Variants in DHRS12 observed in about 807,000 individuals in gnomAD.
The protein encoded by DHRS12 is dehydrogenase/reductase 12.
A neutral mutation model predicts 32.1 loss-of-function variants in DHRS12; 29 were observed. That is an observed-to-expected ratio of 0.90 (90% CI 0.67 to 1.23). The LOEUF is 1.23. Ranked by LOEUF, DHRS12 falls within the 50% of genes most tolerant of loss-of-function variation. The pLI is 0.00. For synonymous variants in DHRS12, 150 were observed against 135.9 expected, an observed-to-expected ratio of 1.10 and a Z score of -0.72; for missense variants, 330 against 337.2, an observed-to-expected ratio of 0.98 and a Z score of 0.17.
chr13:51,771,590 C>T (rs1954019719), intron 7 of DHRS12: 2 of 1,542,514 alleles, frequency 1.3e-6, no homozygotes, highest in Non-Finnish European at 1.7e-6. Context: ...CCCGTTCCCA[C>T]CATCTCCTTC....
intron 2 of DHRS12, among the ~76,000 whole-genome samples, chr13:51,798,130 T>C (rs1327873409): frequency 1.3e-5 from 2 of 152,262 alleles, no homozygotes; most frequent in East Asian, 3.9e-4. Flanking sequence ...ACATCCTGAT[T>C]TTTTGAGGGC....
rs375684409 is a variant in DHRS12 at position 51,769,094 on chromosome 13, G to C, written c.697+62C>G. 2.6e-6 allele frequency: 4 copies of C among 1,545,940 alleles called. No individual in the cohort carries two copies. In the African/African-American group the frequency reaches 4.1e-5, roughly 16 times the overall value. On this transcript the variant is annotated intron_variant, in intron 8 of 8. Coordinates refer to ENST00000444610, the MANE Select transcript of DHRS12 (RefSeq NM_001377533.1). ...TTTCACGGAGGGGAAGGTGCGCCTC[G>C]AAGGCCCAGCTGCTGCCCCTAGCCC...
chr13:51,783,010 C>T (rs765177348), intron 4 of DHRS12, among the ~76,000 whole-genome samples: 2 of 152,214 alleles, frequency 1.3e-5, no homozygotes, highest in East Asian at 1.9e-4. Flanking sequence ...ATGGAGCTGC[C>T]GAGAAGGAAG....
At chr13:51,783,079 T>A (rs947525638) in intron 4 of DHRS12, among the ~76,000 whole-genome samples, 40 of 152,130 alleles carry the variant, frequency 2.6e-4, no homozygotes, top group Non-Finnish European at 5.3e-4. Flanking sequence ...GAAGCTTTTG[T>A]GTCTCATCAA....
intron 4 of DHRS12, among the ~76,000 whole-genome samples, chr13:51,787,141 C>T (rs1187995219): frequency 6.6e-6 from 1 of 152,154 alleles, no homozygotes; most frequent in Non-Finnish European, 1.5e-5. Context: ...AATTATTACG[C>T]TTCTCAGAGA....
At chr13:51,772,045 C>G in intron 6 of DHRS12, 134 bp from the exon 7 acceptor site, 1 of 794,128 alleles carries the variant, frequency 1.3e-6, no homozygotes, top group Non-Finnish European at 2.0e-6. Flanking sequence ...TGATGTCACC[C>G]TCCTCCAAAA....
chr13:51,792,539 A>G (rs1955324370), intron 2 of DHRS12, among the ~76,000 whole-genome samples: 1 of 152,148 alleles, frequency 6.6e-6, no homozygotes, highest in Admixed American at 6.5e-5. Context: ...AGCTGGGACT[A>G]GAGGTGCATG....
chr13:51,798,304 AG>A (rs1264536731), intron 2 of DHRS12, among the ~76,000 whole-genome samples: 3 of 152,164 alleles, frequency 2.0e-5, no homozygotes, highest in Non-Finnish European at 4.4e-5. Flanking sequence ...ATGTTTTACA[AG>A]CTCCCCTGGT....
At chr13:51,763,227 C>T (rs1051216523), downstream of DHRS12, 3 of 152,176 alleles carry the variant, frequency 2.0e-5, no homozygotes, top group Admixed American at 6.5e-5. Context: ...AGACTTTCAG[C>T]ACCTTGAGAC....
At chr13:51,756,696 A>G in the DHRS12 span, 16 of 965,876 alleles carry the variant, frequency 1.7e-5, no homozygotes, top group Admixed American at 4.9e-4. Context: ...TCTAATTTCT[A>G]GGTTATGTGC....
intron 4 of DHRS12, among the ~76,000 whole-genome samples, chr13:51,788,978 T>G (rs1955132018): frequency 6.6e-6 from 1 of 152,074 alleles, no homozygotes; most frequent in Admixed American, 6.5e-5. Context: ...GGTGACCAGG[T>G]AGGTGAATGC....
Position 51,769,143 on chromosome 13 carries a change from G to C in DHRS12, c.697+13C>G. On this transcript the variant is annotated intron_variant, in intron 8 of 8. Transcript: ENST00000444610. ...CCTGTGTCAGCTGCCTTCACAGCCA[G>C]GGAGGAAGTCACCTTGAAAGAAGCG... The C allele has an allele frequency of 6.5e-7, 1 of 1,548,974 alleles. No individual in the cohort carries two copies. Among genetic ancestry groups the C allele is most frequent in the Non-Finnish European group, 8.7e-7 (1 of 1,146,982 alleles).
chr13:51,795,598 G>C (rs961548102), intron 2 of DHRS12, among the ~76,000 whole-genome samples: 1 of 152,130 alleles, frequency 6.6e-6, no homozygotes, highest in Admixed American at 6.5e-5. Flanking sequence ...ACTCAACCAG[G>C]ATTGGTGAAG....
At chr13:51,757,480 G>T in the DHRS12 span, among the ~76,000 whole-genome samples, 1 of 151,732 alleles carries the variant, frequency 6.6e-6, no homozygotes, top group Non-Finnish European at 1.5e-5. Context: ...TGTCCTGAGA[G>T]CCCACTGCAG....
intron 4 of DHRS12, among the ~76,000 whole-genome samples, chr13:51,781,893 G>A (rs557505917): frequency 6.6e-6 from 1 of 152,310 alleles, no homozygotes; most frequent in Non-Finnish European, 1.5e-5. Context: ...GCCTCTGTTC[G>A]GGAGGTGGGT....
chr13:51,784,955 C>T (rs1954883688), intron 4 of DHRS12, among the ~76,000 whole-genome samples: 1 of 152,246 alleles, frequency 6.6e-6, no homozygotes, highest in African/African-American at 2.4e-5. Context: ...AAGCCAGGCG[C>T]AGTGGCTCAT....
chr13:51,772,114 G>A (rs1566275886), intron 6 of DHRS12, among the ~76,000 whole-genome samples: 1 of 152,096 alleles, frequency 6.6e-6, no homozygotes. Context: ...CTCCAAAGGA[G>A]GCCAGAACAA....
intron 6 of DHRS12, chr13:51,772,880 C>G: frequency 2.0e-6 from 2 of 985,402 alleles, no homozygotes; most frequent in Non-Finnish European, 2.4e-6. Flanking sequence ...AGGATTTGGT[C>G]TGGGGTCAAG....
intron 2 of DHRS12, among the ~76,000 whole-genome samples, chr13:51,794,375 TG>T: frequency 6.6e-6 from 1 of 152,124 alleles, no homozygotes; most frequent in Non-Finnish European, 1.5e-5. Flanking sequence ...AAACAGTGCA[TG>T]GAGGTGTTTT....
Sources: gnomAD v4.1 joint callset for allele counts (sites outside exome capture counted in the v4.1 genomes callset) on GRCh38, gnomAD v4.1.1 for gene constraint, MANE v1.5 for transcripts, NCBI Gene and HGNC (gene_info 2026-07-23, HGNC 2026-07-21) for gene names.